The following LPA variants were observed in gnomAD, a reference collection of about 807,000 sequenced individuals.
The protein encoded by LPA is lipoprotein(a), also known as apolipoprotein(a).
A neutral mutation model predicts 197.9 loss-of-function variants in LPA; 199 were observed. That is an observed-to-expected ratio of 1.01 (90% CI 0.90 to 1.13). The LOEUF (loss-of-function observed/expected upper bound fraction) is 1.13, where lower values mean the gene tolerates loss of function less well. LPA is among the 50% of genes most tolerant of loss of function. The pLI is 0.00. For missense variants in LPA, 1,853 were observed against 1,785.8 expected, an observed-to-expected ratio of 1.04 and a Z score of -0.68; for synonymous variants, 715 against 639.5, an observed-to-expected ratio of 1.12 and a Z score of -1.78.
intron 27 of LPA, among the ~76,000 whole-genome samples, 181 bp downstream of exon 27, chr6:160,578,322 CGTGCCCTTCCTAAAGACACT>C (rs1242633065): frequency 4.6e-5 from 7 of 151,890 alleles, no homozygotes; most frequent in African/African-American, 1.7e-4. Context: ...CTAAAGACAC[CGTGCCCTTCCTAAAGACACT>C]GCCTCCTCAC....
chr6:160,545,651 CCTTT>C (rs1162046452), intron 32 of LPA, 118 bp from the exon 33 acceptor site: 6 of 733,662 alleles, frequency 8.2e-6, no homozygotes, highest in African/African-American at 5.3e-5. Context: ...GTTCCTTCTT[CCTTT>C]CTATCATTAT....
chr6:160,659,770 G>A (rs554513683), intron 1 of LPA, among the ~76,000 whole-genome samples: 1 of 152,328 alleles, frequency 6.6e-6, no homozygotes, highest in African/African-American at 2.4e-5. Flanking sequence ...GCAGGGACCA[G>A]TGCAGAAAAC....
At position 160,541,065 on chromosome 6, in the gene LPA, T is replaced by G. The variant is rs372722728; in HGVS notation, c.5594+42A>C. On this transcript the variant is annotated intron_variant, in intron 35 of 38. Transcript: ENST00000316300. ...TGGAGGAAGAGAGGGAGGAAAAAAG[T>G]CTTGAAGATAAGACCCCATGTCAGT... The G allele has an allele frequency of 3.2e-6, 5 of 1,547,936 alleles. No homozygotes were observed. The South Asian group carries it at 4.5e-5, about 14-fold the overall frequency.
At chr6:160,555,275 TTATATTATATTA>T (rs1778236828) in intron 30 of LPA, among the ~76,000 whole-genome samples, 1 of 124,912 alleles carries the variant, frequency 8.0e-6, no homozygotes, top group African/African-American at 3.1e-5. Flanking sequence ...TTATATTATA[TTATATTATATTA>T]TATGTTAGTG....
intron 33 of LPA, 147 bp downstream of exon 33, chr6:160,545,293 T>C (rs1778047699): frequency 3.1e-6 from 2 of 643,274 alleles, no homozygotes. Context: ...AAGGTGGCCA[T>C]GATGAAAAGC....
At chr6:160,538,113 C>T in intron 36 of LPA, 152 bp from the exon 37 acceptor site, 1 of 701,318 alleles carries the variant, frequency 1.4e-6, no homozygotes, top group East Asian at 2.7e-5. Flanking sequence ...CAGCGTTTCA[C>T]CCTCACATTT....
chr6:160,651,597 G>C (rs957564444), intron 1 of LPA, among the ~76,000 whole-genome samples: 1 of 152,146 alleles, frequency 6.6e-6, no homozygotes, highest in African/African-American at 2.4e-5. Context: ...AATCTCTACT[G>C]TTCCTCCATT....
At chr6:160,654,017 T>TA (rs1780069600) in intron 1 of LPA, among the ~76,000 whole-genome samples, 1 of 10,386 alleles carries the variant, frequency 9.6e-5, no homozygotes, top group African/African-American at 4.3e-4. Context: ...ATATATTATA[T>TA]ATAATATATA....
chr6:160,605,264 A>G, intron 17 of LPA, 59 bp from the exon 18 acceptor site: 7 of 1,596,336 alleles, frequency 4.4e-6, no homozygotes, highest in Non-Finnish European at 5.1e-6. Flanking sequence ...AAACATGTGA[A>G]GCCACTTATG....
intron 28 of LPA, 121 bp from the exon 29 acceptor site, chr6:160,557,692 G>A (rs1352500242): frequency 3.6e-6 from 3 of 829,352 alleles, no homozygotes; most frequent in Non-Finnish European, 6.0e-6. Context: ...TCCCATTTTA[G>A]GTACAATAAT....
chr6:160,584,234 TTCTTCCTCC>T (rs1449499931), intron 26 of LPA, among the ~76,000 whole-genome samples: 38 of 64,190 alleles, frequency 5.9e-4, no homozygotes, highest in African/African-American at 1.3e-3. Context: ...CTTCTTCTTC[TTCTTCCTCC>T]TCCTCCTCCT....
intron 2 of LPA, among the ~76,000 whole-genome samples, chr6:160,647,390 G>T (rs1031671034): frequency 2.0e-5 from 3 of 152,220 alleles, no homozygotes; most frequent in African/African-American, 7.2e-5. Context: ...ATGACCTGTG[G>T]CTGCCTGAGA....
chr6:160,564,861 C>T (rs1778423592), intron 28 of LPA, among the ~76,000 whole-genome samples: 1 of 152,198 alleles, frequency 6.6e-6, no homozygotes, highest in African/African-American at 2.4e-5. Flanking sequence ...CTGCACATGG[C>T]TCAGAGGGTC....
intron 16 of LPA, among the ~76,000 whole-genome samples, chr6:160,609,893 C>A (rs1468508249): frequency 6.6e-6 from 1 of 151,914 alleles, no homozygotes; most frequent in Admixed American, 6.6e-5. Context: ...TTAATTTTTT[C>A]TTCTGAAACA....
At chr6:160,559,038 CAG>C (rs766484163) in intron 28 of LPA, among the ~76,000 whole-genome samples, 1 of 152,194 alleles carries the variant, frequency 6.6e-6, no homozygotes, top group Non-Finnish European at 1.5e-5. Context: ...TACTTTCCCA[CAG>C]AGTGAGATGC....
chr6:160,610,098 T>C (rs1779457959), intron 16 of LPA, among the ~76,000 whole-genome samples: 1 of 152,158 alleles, frequency 6.6e-6, no homozygotes, highest in Non-Finnish European at 1.5e-5. Flanking sequence ...ATTCTAATTA[T>C]CGATGTCATT....
chr6:160,594,768 C>G (rs565685898), intron 21 of LPA, among the ~76,000 whole-genome samples: 1 of 152,260 alleles, frequency 6.6e-6, no homozygotes, highest in Admixed American at 6.5e-5. Flanking sequence ...GAAGGAGGGG[C>G]AAGAACACTG....
intron 22 of LPA, 60 bp downstream of exon 22, chr6:160,593,898 C>T (rs971167542): frequency 1.9e-6 from 3 of 1,588,978 alleles, no homozygotes; most frequent in Non-Finnish European, 1.7e-6. Context: ...GAAGCATGGC[C>T]CTTCCAAGAG....
chr6:160,652,036 A>C (rs554334511), intron 1 of LPA, among the ~76,000 whole-genome samples: 135 of 151,316 alleles, frequency 8.9e-4, no homozygotes, highest in Non-Finnish European at 1.3e-3. Context: ...AAAGCAGAAG[A>C]AGCATATAAG....
Sources: allele counts gnomAD v4.1 joint callset (sites outside exome capture counted in the v4.1 genomes callset), GRCh38; gene constraint gnomAD v4.1.1; transcripts MANE v1.5; gene names NCBI Gene and HGNC (gene_info 2026-07-23, HGNC 2026-07-21).